ABCF1: variants seen among roughly 807,000 people sequenced by gnomAD.
ABCF1 encodes the protein ATP binding cassette subfamily F member 1.
ABCF1 carries 73 observed loss-of-function variants against 126.3 expected under a neutral mutation model. The ratio of observed to expected loss-of-function variants is 0.58; its 90% confidence interval spans 0.48 to 0.70. ABCF1 has a LOEUF of 0.70. Among genes scored for constraint, ABCF1 ranks in the 30% least tolerant of loss-of-function variants. ABCF1 has a pLI of 0.00. For missense variants in ABCF1, 786 were observed against 1,057.5 expected, an observed-to-expected ratio of 0.74 and a Z score of 3.56; for synonymous variants, 345 against 396.4, an observed-to-expected ratio of 0.87 and a Z score of 1.54.
rs1017373488 is a variant in ABCF1, at chr6:30,577,468, G to A, written c.120+13G>A. On this transcript the variant is annotated intron_variant, in intron 2 of 24. Coordinates refer to ENST00000326195, the MANE Select transcript of ABCF1 (RefSeq NM_001025091.2). ...GATCAAAAAAACGGTGAGAAAATGA[G>A]GGTTGAGGATAAGAAATGACTATGG... 1 of 1,612,668 alleles carries A rather than the reference G, an allele frequency of 6.2e-7. No individual in the cohort carries two copies. Among genetic ancestry groups the A allele is most frequent in the Non-Finnish European group, 8.5e-7 (1 of 1,179,240 alleles).
chr6:30,572,755 C>T (rs932776204), intron 1 of ABCF1, among the ~76,000 whole-genome samples: 4 of 152,236 alleles, frequency 2.6e-5, no homozygotes, highest in Non-Finnish European at 5.9e-5. Context: ...CCTGCCTCAG[C>T]CTCCAAAAGT....
In ABCF1 at chr6:30,590,297, C is replaced by T. The variant is rs779714022; in HGVS notation, c.2299-9C>T. On this transcript the variant is annotated splice_polypyrimidine_tract_variant and intron_variant, in intron 23 of 24. Coordinates refer to ENST00000326195, the MANE Select transcript of ABCF1 (RefSeq NM_001025091.2). Reference sequence around the variant, plus strand: ...TGCAGTGCTCAGTCATGGAATTCCTCCTATGTAGGACGAGCCAACCAATAA... The same window carrying T: ...TGCAGTGCTCAGTCATGGAATTCCTTCTATGTAGGACGAGCCAACCAATAA... 3 of 1,611,788 alleles carry T rather than the reference C, an allele frequency of 1.9e-6. No individual in the cohort carries two copies. The highest frequency in any genetic ancestry group is 1.7e-5 in the Admixed American group (1 of 59,942).
At chr6:30,577,229 GAATA>G (rs1185626409) in intron 1 of ABCF1, among the ~76,000 whole-genome samples, 176 bp from the exon 2 acceptor site, 5 of 152,222 alleles carry the variant, frequency 3.3e-5, no homozygotes, top group African/African-American at 1.2e-4. Flanking sequence ...GTGGATGAAT[GAATA>G]GAGATGGGAA....
At position 30,582,399 on chromosome 6, in the gene ABCF1, A is replaced by G. The variant is rs768061280; in HGVS notation, c.684A>G (p.Ser228=). 4 of 1,598,934 alleles carry G rather than the reference A, an allele frequency of 2.5e-6. No homozygotes were observed. Among genetic ancestry groups the G allele is most frequent in the Admixed American group, 3.4e-5 (2 of 59,642 alleles). The change falls in exon 9 of 25, where the codon TCA becomes TCG. Residue 228 remains serine (S), a synonymous_variant. Transcript: ENST00000326195. The part of the protein sequence containing the change: ...KEKAKKAEQG[S]EEEGEGEEEE... ...CCATCCCCGGGTTCTCACAGGGTTCAGAGGAAGAAGGAGAAGGGGAAGAAG... is the reference window on the plus strand; with the variant it reads ...CCATCCCCGGGTTCTCACAGGGTTCGGAGGAAGAAGGAGAAGGGGAAGAAG...
At chr6:30,575,214 C>T (rs143442445) in intron 1 of ABCF1, among the ~76,000 whole-genome samples, 298 of 151,676 alleles carry the variant, frequency 2.0e-3, no homozygotes, top group African/African-American at 6.4e-3. Context: ...GGACTACATG[C>T]GTGCTCTGCC....
At chr6:30,579,263 A>T (rs1015288101) in intron 6 of ABCF1, among the ~76,000 whole-genome samples, 1 of 152,016 alleles carries the variant, frequency 6.6e-6, no homozygotes, top group Admixed American at 6.6e-5. Context: ...TTCGCTATCT[A>T]GTCTGAAGCT....
At chr6:30,572,005 T>C (rs1375010802) in intron 1 of ABCF1, among the ~76,000 whole-genome samples, 1 of 152,148 alleles carries the variant, frequency 6.6e-6, no homozygotes, top group South Asian at 2.1e-4. Flanking sequence ...CATGGTTTCT[T>C]TCTTAAGACA....
At chr6:30,581,398 CTTTTT>C (rs71552010) in intron 8 of ABCF1, among the ~76,000 whole-genome samples, 1 of 84,868 alleles carries the variant, frequency 1.2e-5, no homozygotes, top group Non-Finnish European at 2.2e-5. Context: ...GCTTCCTGAT[CTTTTT>C]TTTTTTTTTT....
At chr6:30,588,017 C>T (rs1582600061) in intron 20 of ABCF1, among the ~76,000 whole-genome samples, 1 of 152,034 alleles carries the variant, frequency 6.6e-6, no homozygotes, top group Admixed American at 6.5e-5. Context: ...ATTCTCCTGC[C>T]TCAGCCTCCT....
chr6:30,578,020 A>T, intron 3 of ABCF1, 56 bp from the exon 4 acceptor site: 1 of 1,613,982 alleles, frequency 6.2e-7, no homozygotes. Context: ...TCTGTGAGGC[A>T]GAAATACAGC....
At position 30,586,622 on chromosome 6, in the gene ABCF1, C is replaced by T; in HGVS notation, c.1961-19C>T. 2 of 1,613,448 alleles carry T rather than the reference C, an allele frequency of 1.2e-6. No individual in the cohort carries two copies. Among genetic ancestry groups the T allele is most frequent in the Non-Finnish European group, 1.7e-6 (2 of 1,179,996 alleles). On this transcript the variant is annotated intron_variant, in intron 19 of 24. Coordinates refer to ENST00000326195, the MANE Select transcript of ABCF1 (RefSeq NM_001025091.2). The surrounding 1 kb of genome is among the most constrained non-coding windows in gnomAD (Gnocchi z 4.9). Reference sequence around the variant, plus strand: ...GAGTCTCTGGGGACCTCTTTGACCACCTGTCTTCCATCTTGCAGTTTGCAT... The same window carrying T: ...GAGTCTCTGGGGACCTCTTTGACCATCTGTCTTCCATCTTGCAGTTTGCAT...
chr6:30,585,443 G>A (rs1802064520), intron 15 of ABCF1, 100 bp downstream of exon 15: 1 of 1,580,896 alleles, frequency 6.3e-7, no homozygotes, highest in Non-Finnish European at 8.7e-7. Context: ...GTGCCTGTGA[G>A]TGGAGCTCTA....
Position 30,583,461 on chromosome 6 carries a change from G to C in ABCF1, c.916-147G>C. ...ACAGGCAGCGAACAGGGCGGGGACC[G>C]GCTGTGGGGAGAGGAAGGGGATTAT... On this transcript the variant is annotated intron_variant, in intron 10 of 24. Transcript: ENST00000326195. The surrounding 1 kb of genome is among the most constrained non-coding windows in gnomAD (Gnocchi z 4.1). 3.2e-6 allele frequency: 3 copies of C among 936,656 alleles called. No individual in the cohort carries two copies. The highest frequency in any genetic ancestry group is 5.0e-6 in the Non-Finnish European group (3 of 604,066). 58.0% of individuals were successfully genotyped at this position (936,656 alleles called of 1,614,324 possible).
Position 30,584,336 on chromosome 6 carries a change from A to G in ABCF1, c.1242+5A>G, listed in dbSNP as rs771181214. On this transcript the variant is annotated splice_donor_5th_base_variant and intron_variant, in intron 13 of 24. Coordinates refer to ENST00000326195, the MANE Select transcript of ABCF1 (RefSeq NM_001025091.2). This position sits in a 1 kb window ranked among gnomAD's most constrained non-coding sequence, Gnocchi z 4.6. ...GCTGCTGAGAGGCTAGAGAAGGTAG[A>G]GGAGATGGCGCAGGGGACACGGGCA... is the stretch of plus-strand genomic sequence containing the variant. The G allele has an allele frequency of 1.2e-6, 2 of 1,613,102 alleles. No homozygotes were observed. Among genetic ancestry groups the G allele is most frequent in the South Asian group, 2.2e-5 (2 of 91,080 alleles).
At chr6:30,578,861 G>T (rs1325993415) in intron 6 of ABCF1, among the ~76,000 whole-genome samples, 1 of 151,974 alleles carries the variant, frequency 6.6e-6, no homozygotes, top group Non-Finnish European at 1.5e-5. Flanking sequence ...TTAGCCAGGC[G>T]TGGTGGCGTG....
At chr6:30,589,611 A>G in intron 20 of ABCF1, 77 bp from the exon 21 acceptor site, 6 of 1,542,680 alleles carry the variant, frequency 3.9e-6, no homozygotes, top group Non-Finnish European at 5.3e-6. Context: ...TCAAAAAAAA[A>G]AAAAAAAAGT....
In ABCF1 at chr6:30,584,473, G is replaced by A. The variant is rs1167664540; in HGVS notation, c.1298G>A (p.Arg433Gln). Residue 433 changes from arginine (R) to glutamine (Q), a missense_variant, in exon 14 of 25, where the codon CGG (arginine) becomes CAG (glutamine). Arg to Gln is a conservative substitution (Grantham distance 43). Transcript: ENST00000326195. This position sits in a 1 kb window ranked among gnomAD's most constrained non-coding sequence, Gnocchi z 4.6. The part of the protein sequence containing the change: ...GAAAAEAKAR[R>Q]ILAGLGFDPE... Reference sequence around the variant, plus strand: ...GCAGCTGCAGAGGCCAAAGCACGGCGGATCCTGGCTGGCCTGGGCTTTGAC... The same window carrying A: ...GCAGCTGCAGAGGCCAAAGCACGGCAGATCCTGGCTGGCCTGGGCTTTGAC... 2.5e-6 allele frequency: 4 copies of A among 1,613,086 alleles called. No individual in the cohort carries two copies. The highest frequency in any genetic ancestry group is 1.3e-5 in the African/African-American group (1 of 75,048).
chr6:30,571,701 G>T (rs1801254287), intron 1 of ABCF1, 141 bp downstream of exon 1: 1 of 913,586 alleles, frequency 1.1e-6, no homozygotes, highest in African/African-American at 1.7e-5. Context: ...GGCCCGGGAG[G>T]AGTTTGCCGG....
In ABCF1 at chr6:30,580,417, A is replaced by T; in HGVS notation, c.576A>T (p.Lys192Asn). ...CTTTTCCCTATTAGCCTCAAAATAAATTCGCTGCTCTGGACAATGAAGAGG... is the reference window on the plus strand; with the variant it reads ...CTTTTCCCTATTAGCCTCAAAATAATTTCGCTGCTCTGGACAATGAAGAGG... ...KSKGKAKPQN[K>N]FAALDNEEED... is the part of the protein sequence containing the mutation. The change falls in exon 8 of 25, where the codon AAA (lysine) becomes AAT (asparagine). Residue 192 changes from lysine (K) to asparagine (N), a missense_variant. Physicochemically the swap from Lys to Asn is moderately conservative, Grantham distance 94. Coordinates refer to ENST00000326195, the MANE Select transcript of ABCF1 (RefSeq NM_001025091.2). The T allele has an allele frequency of 6.5e-7, 1 of 1,539,288 alleles. No individual in the cohort carries two copies.
Sources: gnomAD v4.1 joint callset for allele counts (sites outside exome capture counted in the v4.1 genomes callset) on GRCh38, gnomAD v4.1.1 for gene constraint, Gnocchi (gnomAD v3.1) non-coding constraint, MANE v1.5 for transcripts, NCBI Gene and HGNC (gene_info 2026-07-23, HGNC 2026-07-21) for gene names.